The following BLNK variants were observed in gnomAD, a reference collection of about 807,000 sequenced individuals.
The protein encoded by BLNK is B-cell linker protein.
In BLNK, 29 loss-of-function variants were observed where a neutral mutation model predicts 73.5. That is an observed-to-expected ratio of 0.39 (90% CI 0.29 to 0.54). The LOEUF is 0.54. Ranked by LOEUF, BLNK falls within the 20% of genes least tolerant of loss-of-function variation. The pLI, the probability that BLNK is intolerant of heterozygous loss-of-function variation, is 0.61. For missense variants in BLNK, 460 were observed against 562.8 expected, an observed-to-expected ratio of 0.82 and a Z score of 1.85; for synonymous variants, 176 against 200.8, an observed-to-expected ratio of 0.88 and a Z score of 1.04.
intron 1 of BLNK, among the ~76,000 whole-genome samples, chr10:96,262,011 C>G (rs1026183829): frequency 1.2e-4 from 19 of 152,172 alleles, no homozygotes; most frequent in Non-Finnish European, 1.2e-4. Context: ...GTCATAGCCT[C>G]CCTCTGGGGA....
At chr10:96,237,271 G>T (rs781858899) in intron 3 of BLNK, among the ~76,000 whole-genome samples, 1 of 152,204 alleles carries the variant, frequency 6.6e-6, no homozygotes, top group Non-Finnish European at 1.5e-5. Flanking sequence ...GTGGACAAAG[G>T]ATTGTTATGC....
chr10:96,196,807 T>G, intron 16 of BLNK, 101 bp downstream of exon 16: 1 of 1,197,446 alleles, frequency 8.4e-7, no homozygotes, highest in Non-Finnish European at 1.2e-6. Flanking sequence ...GAACAAGTAC[T>G]TTTGTATCCT....
chr10:96,197,925 G>GAAAGAA (rs762662405), intron 15 of BLNK, among the ~76,000 whole-genome samples: 34 of 132,520 alleles, frequency 2.6e-4, no homozygotes, highest in Non-Finnish European at 4.9e-4. Flanking sequence ...AAAAAAAAAA[G>GAAAGAA]AAAGAAAAAG....
At chr10:96,219,094 G>A (rs1554900475) in intron 6 of BLNK, among the ~76,000 whole-genome samples, 5 of 152,312 alleles carry the variant, frequency 3.3e-5, no homozygotes, top group Middle Eastern at 6.8e-3. Flanking sequence ...AGGGAACCTG[G>A]TCCTCATCTC....
At chr10:96,254,367 G>A (rs2134115645) in intron 1 of BLNK, among the ~76,000 whole-genome samples, 1 of 152,262 alleles carries the variant, frequency 6.6e-6, no homozygotes, top group East Asian at 1.9e-4. Context: ...CCTTTACCTG[G>A]ACTCAGATTA....
At chr10:96,196,870 CAT>C (rs1554894797) in intron 16 of BLNK, 36 bp downstream of exon 16, 1 of 1,595,294 alleles carries the variant, frequency 6.3e-7, no homozygotes, top group Admixed American at 1.7e-5. Context: ...ATACTCAATG[CAT>C]AGTTATAGAA....
intron 11 of BLNK, 141 bp downstream of exon 11, chr10:96,206,870 A>G: frequency 1.1e-6 from 1 of 913,588 alleles, no homozygotes; most frequent in Non-Finnish European, 1.7e-6. Flanking sequence ...TTCATTGCTC[A>G]TTGCAAAAAC....
chr10:96,200,235 C>A lies in BLNK; in HGVS notation c.1012-77G>T, dbSNP rs2083594433. 2 of 1,190,964 alleles carry A rather than the reference C, an allele frequency of 1.7e-6. No individual in the cohort carries two copies. The highest frequency in any genetic ancestry group is 2.5e-6 in the Non-Finnish European group (2 of 806,100). The allele number at this position is 1,190,964 out of a possible 1,614,324, so 73.8% of individuals were successfully genotyped here. On this transcript the variant is annotated intron_variant, in intron 14 of 16. Transcript: ENST00000224337. This position sits in a 1 kb window ranked among gnomAD's most constrained non-coding sequence, Gnocchi z 4.3. Reference sequence around the variant, plus strand: ...ATTTCTGTGTACTAGAAACAAAGACCCATTTGCATTATCAAGACAGGCCTC... The same window carrying A: ...ATTTCTGTGTACTAGAAACAAAGACACATTTGCATTATCAAGACAGGCCTC...
intron 4 of BLNK, among the ~76,000 whole-genome samples, chr10:96,229,654 C>CCGTG (rs1554903569): frequency 7.0e-6 from 1 of 142,586 alleles, no homozygotes; most frequent in Non-Finnish European, 1.5e-5. Context: ...TTACATGTGG[C>CCGTG]TGTGTGTGTG....
At chr10:96,235,512 C>T (rs35191222) in intron 3 of BLNK, among the ~76,000 whole-genome samples, 53,019 of 151,998 alleles carry the variant, frequency 0.35, 11,107 homozygotes, top group Admixed American at 0.46. Flanking sequence ...CACCAAGCCA[C>T]ACTTCATAAT....
intron 3 of BLNK, among the ~76,000 whole-genome samples, chr10:96,242,255 C>T (rs1207745351): frequency 5.9e-5 from 9 of 152,172 alleles, no homozygotes; most frequent in Admixed American, 3.3e-4. Flanking sequence ...CCTTGCCTGC[C>T]GCCATGTAAG....
rs115705495 is a variant in BLNK, at chr10:96,204,289, G to A, written c.903-201C>T. 3,790 of 729,950 alleles carry A rather than the reference G, an allele frequency of 5.2e-3. 18 individuals carry two copies. Among genetic ancestry groups the A allele is most frequent in the Middle Eastern group, 0.013 (37 of 2,832 alleles). 45.2% of individuals were successfully genotyped at this position (729,950 alleles called of 1,614,324 possible). A position where few individuals can be genotyped will look rare whatever the true frequency, so the allele number is the denominator to read the frequency against. ...CTTCCTTTTAGTTTTGAAAAAGGAG[G>A]AAATCTTGACTAAAGTATTGTATTT... is the stretch of plus-strand genomic sequence containing the variant. On this transcript the variant is annotated intron_variant, in intron 12 of 16. Transcript: ENST00000224337.
chr10:96,239,743 T>G, intron 3 of BLNK, among the ~76,000 whole-genome samples: 1 of 152,088 alleles, frequency 6.6e-6, no homozygotes, highest in East Asian at 1.9e-4. Context: ...AGTGTGTGGG[T>G]TAGGCAAAAG....
At chr10:96,249,095 TG>T (rs1205035800) in intron 1 of BLNK, among the ~76,000 whole-genome samples, 1 of 152,236 alleles carries the variant, frequency 6.6e-6, no homozygotes, top group Non-Finnish European at 1.5e-5. Flanking sequence ...ATGCTTCCTT[TG>T]TTCTGAGAAA....
intron 13 of BLNK, among the ~76,000 whole-genome samples, chr10:96,203,326 G>A (rs1049518581): frequency 6.6e-6 from 1 of 152,002 alleles, no homozygotes; most frequent in South Asian, 2.1e-4. Context: ...ATTTATTTAA[G>A]ATGAATATTA....
At chr10:96,234,562 G>A (rs946925479) in intron 3 of BLNK, among the ~76,000 whole-genome samples, 33 of 152,230 alleles carry the variant, frequency 2.2e-4, no homozygotes, top group African/African-American at 7.9e-4. Flanking sequence ...ATTGTTTAAA[G>A]CTTCATTTCC....
intron 1 of BLNK, among the ~76,000 whole-genome samples, chr10:96,266,437 GT>G (rs1429021439): frequency 3.3e-5 from 5 of 152,196 alleles, no homozygotes; most frequent in African/African-American, 9.6e-5. Flanking sequence ...CTGGTTTAGG[GT>G]TTTCCTAGCA....
chr10:96,233,541 C>G (rs1274113323), intron 3 of BLNK, among the ~76,000 whole-genome samples: 1 of 152,334 alleles, frequency 6.6e-6, no homozygotes, highest in African/African-American at 2.4e-5. Context: ...CGCTCACTAA[C>G]AGTAACACCA....
intron 8 of BLNK, among the ~76,000 whole-genome samples, chr10:96,212,107 T>C (rs1336731475): frequency 2.6e-5 from 4 of 152,186 alleles, no homozygotes; most frequent in African/African-American, 9.7e-5. Context: ...CCTTTTCCTT[T>C]CCTTCCCTAT....
Sources: gnomAD v4.1 joint callset for allele counts (sites outside exome capture counted in the v4.1 genomes callset) on GRCh38, gnomAD v4.1.1 for gene constraint, Gnocchi (gnomAD v3.1) non-coding constraint, MANE v1.5 for transcripts, NCBI Gene and HGNC (gene_info 2026-07-23, HGNC 2026-07-21) for gene names.